Variants in DCC observed in about 807,000 individuals in gnomAD.
DCC encodes the protein netrin receptor DCC.
A neutral mutation model predicts 172.5 loss-of-function variants in DCC; 58 were observed. The observed-to-expected ratio is 0.34, with a 90% CI of 0.27 to 0.42. The LOEUF is 0.42. Among genes scored for constraint, DCC ranks in the 10% least tolerant of loss-of-function variants. The pLI is 1.00. For missense variants in DCC, 1,740 were observed against 1,791.0 expected, an observed-to-expected ratio of 0.97 and a Z score of 0.51; for synonymous variants, 709 against 644.5, an observed-to-expected ratio of 1.10 and a Z score of -1.52.
intron 1 of DCC, among the ~76,000 whole-genome samples, chr18:52,452,621 T>G (rs1988340449): frequency 1.3e-5 from 2 of 152,362 alleles, no homozygotes; most frequent in African/African-American, 2.4e-5. Flanking sequence ...TTGCCAATAC[T>G]GGGTTTTGCA....
At chr18:52,692,145 G>A (rs1045502243) in intron 1 of DCC, among the ~76,000 whole-genome samples, 6 of 152,114 alleles carry the variant, frequency 3.9e-5, no homozygotes, top group African/African-American at 1.4e-4. Flanking sequence ...AAACTTAGGA[G>A]GTGGGCTTTG....
intron 15 of DCC, among the ~76,000 whole-genome samples, chr18:53,379,382 T>C (rs972081532): frequency 6.6e-6 from 1 of 152,244 alleles, no homozygotes; most frequent in African/African-American, 2.4e-5. Context: ...CACATGCCAC[T>C]GGCATTTAAT....
intron 1 of DCC, among the ~76,000 whole-genome samples, chr18:52,570,121 A>G (rs537611080): frequency 6.6e-6 from 1 of 152,310 alleles, no homozygotes; most frequent in South Asian, 2.1e-4. Context: ...TTATTTATTA[A>G]GCGCATTTTA....
chr18:52,553,999 T>C (rs994714818), intron 1 of DCC, among the ~76,000 whole-genome samples: 1 of 152,060 alleles, frequency 6.6e-6, no homozygotes, highest in African/African-American at 2.4e-5. Context: ...CTGTACCATT[T>C]GAAAAAGTTA....
chr18:53,425,252 G>A (rs1033245136), intron 21 of DCC, among the ~76,000 whole-genome samples: 3 of 151,480 alleles, frequency 2.0e-5, no homozygotes, highest in African/African-American at 2.4e-5. Flanking sequence ...TGAGAATAGA[G>A]CCACCATCTC....
intron 1 of DCC, among the ~76,000 whole-genome samples, chr18:52,562,819 A>G (rs2033069519): frequency 6.6e-6 from 1 of 152,200 alleles, no homozygotes; most frequent in East Asian, 1.9e-4. Context: ...TTGTAGGGAC[A>G]GAGTCTCACC....
intron 7 of DCC, among the ~76,000 whole-genome samples, chr18:53,088,296 T>C (rs1025747271): frequency 6.6e-6 from 1 of 152,204 alleles, no homozygotes; most frequent in Non-Finnish European, 1.5e-5. Flanking sequence ...TGGTTTGTAG[T>C]TCTCCTTGAA....
chr18:52,888,396 A>C (rs1457692003), intron 2 of DCC, among the ~76,000 whole-genome samples: 1 of 152,204 alleles, frequency 6.6e-6, no homozygotes, highest in African/African-American at 2.4e-5. Flanking sequence ...TCTGAAAATT[A>C]GCAGTTCAGC....
chr18:52,972,991 G>A (rs942650318), intron 5 of DCC, among the ~76,000 whole-genome samples: 1 of 152,184 alleles, frequency 6.6e-6, no homozygotes, highest in Non-Finnish European at 1.5e-5. Context: ...AGAGAAATGG[G>A]TTCATTGCCA....
chr18:52,655,657 AATG>A (rs1214338518), intron 1 of DCC, among the ~76,000 whole-genome samples: 1 of 152,164 alleles, frequency 6.6e-6, no homozygotes, highest in Non-Finnish European at 1.5e-5. Context: ...TTAAATAAGT[AATG>A]ATATTTTAAA....
chr18:53,244,688 C>T (rs1421063048), intron 12 of DCC, among the ~76,000 whole-genome samples: 1 of 151,992 alleles, frequency 6.6e-6, no homozygotes, highest in East Asian at 1.9e-4. Context: ...GGACTTCTCA[C>T]AATATGGCAG....
intron 19 of DCC, among the ~76,000 whole-genome samples, chr18:53,407,425 G>A (rs1416104399): frequency 2.0e-5 from 3 of 148,922 alleles, no homozygotes; most frequent in African/African-American, 7.3e-5. Flanking sequence ...TTTTGAAGAG[G>A]TAGGACATGC....
intron 23 of DCC, among the ~76,000 whole-genome samples, chr18:53,452,952 A>G (rs1278859255): frequency 2.0e-5 from 3 of 151,714 alleles, no homozygotes; most frequent in East Asian, 1.9e-4. Flanking sequence ...GTCTCACTCT[A>G]TTGCCCAGGC....
chr18:52,809,652 G>A (rs1442022245), intron 2 of DCC, among the ~76,000 whole-genome samples: 1 of 152,156 alleles, frequency 6.6e-6, no homozygotes, highest in Non-Finnish European at 1.5e-5. Flanking sequence ...TGTGATGGCG[G>A]CAAACAGCAG....
chr18:52,485,160 A>G (rs2030155201), intron 1 of DCC, among the ~76,000 whole-genome samples: 1 of 152,104 alleles, frequency 6.6e-6, no homozygotes, highest in Non-Finnish European at 1.5e-5. Context: ...GTAGTTCTCG[A>G]ACTGGACTGT....
At chr18:53,015,212 AT>A (rs1397682968) in intron 5 of DCC, among the ~76,000 whole-genome samples, 2 of 152,200 alleles carry the variant, frequency 1.3e-5, no homozygotes, top group African/African-American at 4.8e-5. Flanking sequence ...ACTTTAATTC[AT>A]TCAAAAATTA....
rs150057508 is a variant in DCC at position 53,002,150 on chromosome 18, G to A, written c.986-61155G>A. ...TGCTTTAGTTTCCCAGCTTATGCAC[G>A]TCTTAACACTATGTTTGTGCTTAAG... On this transcript the variant is annotated intron_variant, in intron 5 of 28. Coordinates refer to ENST00000442544, the MANE Select transcript of DCC (RefSeq NM_005215.4). 1.2e-4 allele frequency among the ~76,000 whole-genome samples: 19 copies of A among 152,076 alleles called. No homozygotes were observed. The East Asian group carries it at 1.4e-3, about 11-fold the overall frequency.
At chr18:52,523,896 G>A (rs374679988) in intron 1 of DCC, among the ~76,000 whole-genome samples, 16 of 152,260 alleles carry the variant, frequency 1.1e-4, no homozygotes, top group South Asian at 4.1e-4. Context: ...AAGTTCTGCC[G>A]TTGTCTTAAG....
At chr18:53,515,135 C>G (rs1330491634) in intron 27 of DCC, among the ~76,000 whole-genome samples, 1 of 151,452 alleles carries the variant, frequency 6.6e-6, no homozygotes, top group Non-Finnish European at 1.5e-5. Context: ...GGATGCAAGG[C>G]TGGTTCAATA....
Sources: gnomAD v4.1 joint callset for allele counts (sites outside exome capture counted in the v4.1 genomes callset) on GRCh38, gnomAD v4.1.1 for gene constraint, MANE v1.5 for transcripts, NCBI Gene and HGNC (gene_info 2026-07-23, HGNC 2026-07-21) for gene names.